The following KLHL14 variants were observed in gnomAD, a reference collection of about 807,000 sequenced individuals.
The protein encoded by KLHL14 is kelch like family member 14, also known as kelch-like protein 14.
Under a neutral mutation model 64.3 loss-of-function variants are expected in KLHL14, and 22 were observed. The ratio of observed to expected loss-of-function variants is 0.34; its 90% CI spans 0.24 to 0.49. KLHL14 has a LOEUF of 0.49. Ranked by LOEUF, KLHL14 falls within the 20% of genes least tolerant of loss-of-function variation. The probability of loss-of-function intolerance (pLI) is 0.99; values close to 1 mark genes in which losing one functional copy is unlikely to be tolerated. For synonymous variants in KLHL14, 322 were observed against 333.4 expected (o/e 0.97, Z 0.37); for missense variants, 661 against 789.0 (o/e 0.84, Z 1.94).
chr18:32,732,100 T>C (rs148623109), intron 3 of KLHL14, among the ~76,000 whole-genome samples: 2,050 of 152,216 alleles, frequency 0.013, 46 homozygotes, highest in African/African-American at 0.046. Flanking sequence ...GGCACATGCC[T>C]GTAGTCCCAG....
chr18:32,676,516 G>A (rs1281812006), intron 8 of KLHL14, among the ~76,000 whole-genome samples: 2 of 152,148 alleles, frequency 1.3e-5, no homozygotes, highest in Non-Finnish European at 2.9e-5. Context: ...ATTTTTTGGA[G>A]TGTGAGTGTA....
intron 3 of KLHL14, among the ~76,000 whole-genome samples, chr18:32,704,902 T>C (rs2049982933): frequency 6.6e-6 from 1 of 152,000 alleles, no homozygotes; most frequent in South Asian, 2.1e-4. Context: ...AACAGATAAA[T>C]AGGATACAGA....
intron 3 of KLHL14, among the ~76,000 whole-genome samples, chr18:32,717,837 A>G (rs763982764): frequency 1.3e-5 from 2 of 152,220 alleles, no homozygotes; most frequent in Non-Finnish European, 2.9e-5. Flanking sequence ...TATGATGAAT[A>G]TAGATATTTT....
At chr18:32,685,386 G>T (rs1046450829) in intron 5 of KLHL14, among the ~76,000 whole-genome samples, 1 of 152,188 alleles carries the variant, frequency 6.6e-6, no homozygotes, top group Non-Finnish European at 1.5e-5. Context: ...AGGCATGAAG[G>T]TTAATTATCA....
At chr18:32,753,991 C>T (rs887807588) in intron 2 of KLHL14, among the ~76,000 whole-genome samples, 1 of 152,346 alleles carries the variant, frequency 6.6e-6, no homozygotes, top group Admixed American at 6.5e-5. Flanking sequence ...GACTAATCCT[C>T]CTGCCTGCAA....
intron 1 of KLHL14, chr18:32,772,051 C>G (rs954059067): frequency 1.1e-5 from 3 of 279,566 alleles, no homozygotes; most frequent in Non-Finnish European, 1.4e-5. Context: ...TTGCACCTTC[C>G]AGGGCTGAGC....
chr18:32,681,300 G>C (rs931853729), intron 5 of KLHL14, among the ~76,000 whole-genome samples: 1 of 152,112 alleles, frequency 6.6e-6, no homozygotes, highest in Non-Finnish European at 1.5e-5. Context: ...AGCTGTGTTG[G>C]AAAGATTGTA....
At chr18:32,674,947 C>T (rs1403804515) in intron 8 of KLHL14, 150 bp from the exon 9 acceptor site, 1 of 528,872 alleles carries the variant, frequency 1.9e-6, no homozygotes, top group African/African-American at 1.9e-5. Context: ...GGATTTTAAA[C>T]TGTTCTATTC....
chr18:32,734,842 G>A (rs149313279), intron 3 of KLHL14, among the ~76,000 whole-genome samples: 3 of 152,240 alleles, frequency 2.0e-5, no homozygotes, highest in East Asian at 1.9e-4. Flanking sequence ...CACATCTTGT[G>A]TGTATTTCAA....
intron 3 of KLHL14, among the ~76,000 whole-genome samples, chr18:32,716,630 G>T (rs1366037249): frequency 6.6e-6 from 1 of 152,118 alleles, no homozygotes; most frequent in East Asian, 1.9e-4. Flanking sequence ...TGTTGGCCAG[G>T]CTGGTCTCAA....
At position 32,683,452 on chromosome 18, in the gene KLHL14, G is replaced by A. The variant is rs1309056480; in HGVS notation, c.1239-2853C>T. Among the ~76,000 whole-genome samples the A allele has an allele frequency of 1.3e-5, 2 of 152,152 alleles. No individual in the cohort carries two copies. Among genetic ancestry groups the A allele is most frequent in the Admixed American group, 1.3e-4 (2 of 15,274 alleles). ...CAGCAACTGTGAACATTCACTGTAG[G>A]CTAAAATCTTCCCATACCAGGTCTC... is the stretch of plus-strand genomic sequence containing the variant. On this transcript the variant is annotated intron_variant, in intron 5 of 8. Transcript: ENST00000359358. This position sits in a 1 kb window ranked among gnomAD's most constrained non-coding sequence, Gnocchi z 4.2.
intron 4 of KLHL14, among the ~76,000 whole-genome samples, chr18:32,694,727 C>A (rs1373111651): frequency 6.6e-6 from 1 of 152,158 alleles, no homozygotes; most frequent in African/African-American, 2.4e-5. Context: ...TGTGTACCTG[C>A]AAGCTGTTTT....
intron 3 of KLHL14, among the ~76,000 whole-genome samples, chr18:32,723,684 G>T (rs916337529): frequency 5.9e-5 from 9 of 152,132 alleles, no homozygotes; most frequent in African/African-American, 2.2e-4. Context: ...AGAAAACCAA[G>T]GTCAAGGATG....
intron 2 of KLHL14, among the ~76,000 whole-genome samples, chr18:32,760,339 TACACACACAC>T (rs60814600): frequency 6.8e-6 from 1 of 146,834 alleles, no homozygotes; most frequent in South Asian, 2.2e-4. Context: ...CACACAGACA[TACACACACAC>T]ACACACACAC....
Position 32,674,342 on chromosome 18 carries a change from A to C in KLHL14, c.*315T>G, listed in dbSNP as rs943207027. ...ACTGATCTGAGGTCTCTCTGGGGCCAGTCTTCTGTATTTTATCTTTCTCCT... is the reference window on the plus strand; with the variant it reads ...ACTGATCTGAGGTCTCTCTGGGGCCCGTCTTCTGTATTTTATCTTTCTCCT... On this transcript the variant is annotated 3_prime_UTR_variant, in exon 9 of 9. Transcript: ENST00000359358. The C allele has an allele frequency of 6.1e-5, 16 of 262,308 alleles. No individual in the cohort carries two copies. The highest frequency in any genetic ancestry group is 3.5e-4 in the African/African-American group (16 of 46,244). The allele number at this position is 262,308 out of a possible 1,614,324, so 16.2% of individuals were successfully genotyped here. A position where few individuals can be genotyped will look rare whatever the true frequency, so the allele number is the denominator to read the frequency against.
chr18:32,742,039 TA>T lies in KLHL14; in HGVS notation c.957del (p.Asn320ThrfsTer109). 1 of 1,612,808 alleles carries T rather than the reference TA, an allele frequency of 6.2e-7. No individual in the cohort carries two copies. Among genetic ancestry groups the T allele is most frequent in the South Asian group, 1.1e-5 (1 of 90,586 alleles). ...CRQSLASRIR[S>X]NKKMLLLVGG... ...CCAACCAATAACAGCATTTTCTTGT[TA>T]GAGCGAATTCTTCACCCAAAACAAA... On this transcript the variant is annotated frameshift_variant, in exon 3 of 9. Coordinates refer to ENST00000359358, the MANE Select transcript of KLHL14 (RefSeq NM_020805.3). LOFTEE classifies it high-confidence loss of function.
At chr18:32,742,477 A>C (rs2050204011) in intron 2 of KLHL14, among the ~76,000 whole-genome samples, 2 of 152,246 alleles carry the variant, frequency 1.3e-5, no homozygotes, top group South Asian at 4.1e-4. Context: ...AATTAAGGTT[A>C]TGCAGGGAGT....
chr18:32,697,569 C>T (rs1038748813), intron 3 of KLHL14, among the ~76,000 whole-genome samples: 6 of 151,958 alleles, frequency 3.9e-5, no homozygotes, highest in Non-Finnish European at 7.4e-5. Flanking sequence ...TAATGAAAAA[C>T]GGTATTATCT....
chr18:32,755,176 C>A lies in KLHL14; in HGVS notation c.948-13127G>T, dbSNP rs139714748. Among the ~76,000 whole-genome samples, 42 of 152,134 alleles carry A rather than the reference C, an allele frequency of 2.8e-4. No homozygotes were observed. In the East Asian group the frequency reaches 7.4e-3, roughly 27 times the overall value. On this transcript the variant is annotated intron_variant, in intron 2 of 8. Coordinates refer to ENST00000359358, the MANE Select transcript of KLHL14 (RefSeq NM_020805.3). ...CGAGGGACCATGGTGCCACAATGAA[C>A]CCTAGGTGGAGGGCTCCGTGGTGTC...
Sources: gnomAD v4.1 joint callset for allele counts (sites outside exome capture counted in the v4.1 genomes callset) on GRCh38, gnomAD v4.1.1 for gene constraint, Gnocchi (gnomAD v3.1) non-coding constraint, MANE v1.5 for transcripts, NCBI Gene and HGNC (gene_info 2026-07-23, HGNC 2026-07-21) for gene names.